Variants in THOC7 observed in about 807,000 individuals in gnomAD.
THOC7 encodes the protein NIF3L1-binding protein 1.
In THOC7, 22 loss-of-function variants were observed where a neutral mutation model predicts 33.1. The observed-to-expected ratio is 0.66, with a 90% CI of 0.47 to 0.95. THOC7 has a LOEUF of 0.95. THOC7 is among the 40% of genes least tolerant of loss of function. The pLI, the probability that THOC7 is intolerant of heterozygous loss-of-function variation, is 0.00. For synonymous variants in THOC7, 77 were observed against 76.8 expected (o/e 1.00, Z -0.01); for missense variants, 184 against 245.3 (o/e 0.75, Z 1.67).
Position 63,834,116 on chromosome 3 carries a change from T to A in THOC7, c.*16A>T. 1 of 1,613,620 alleles carries A rather than the reference T, an allele frequency of 6.2e-7. No individual in the cohort carries two copies. On this transcript the variant is annotated 3_prime_UTR_variant, in exon 8 of 8. Coordinates refer to ENST00000295899, the MANE Select transcript of THOC7 (RefSeq NM_025075.4). ...GCTATTTCAATATTCCTGGGAGTGGTGGGCAATTAGCCTGTCTATGGCTTA... is the reference window on the plus strand; with the variant it reads ...GCTATTTCAATATTCCTGGGAGTGGAGGGCAATTAGCCTGTCTATGGCTTA...
intron 1 of THOC7, chr3:63,861,009 T>C (rs1384595629): frequency 6.6e-6 from 1 of 152,162 alleles, no homozygotes; most frequent in African/African-American, 2.4e-5. Context: ...AAAGTCCACA[T>C]CAAAGGAAAG....
At chr3:63,839,452 A>G (rs993729122) in intron 2 of THOC7, among the ~76,000 whole-genome samples, 4 of 152,174 alleles carry the variant, frequency 2.6e-5, no homozygotes, top group Admixed American at 6.5e-5. Flanking sequence ...CTCCTTACCA[A>G]TCTGCCTTCT....
chr3:63,845,119 T>C (rs1456861818), intron 1 of THOC7: 2 of 678,108 alleles, frequency 2.9e-6, no homozygotes, highest in Non-Finnish European at 5.4e-6. Flanking sequence ...TGGGGGGTAC[T>C]ATCTCCTTCA....
At chr3:63,856,822 A>G (rs892776066) in intron 1 of THOC7, among the ~76,000 whole-genome samples, 7 of 151,350 alleles carry the variant, frequency 4.6e-5, no homozygotes, top group African/African-American at 1.5e-4. Flanking sequence ...GGTTCATGCC[A>G]CTCTACTGCC....
chr3:63,837,131 A>G (rs1701651877), intron 4 of THOC7, among the ~76,000 whole-genome samples: 1 of 151,978 alleles, frequency 6.6e-6, no homozygotes, highest in African/African-American at 2.4e-5. Flanking sequence ...TTTAGAACTG[A>G]GCATATTAAT....
chr3:63,842,483 T>C (rs994502360), intron 1 of THOC7, among the ~76,000 whole-genome samples: 1 of 151,992 alleles, frequency 6.6e-6, no homozygotes, highest in Non-Finnish European at 1.5e-5. Context: ...ATAAAGAAAA[T>C]GTGGTATCTA....
At chr3:63,839,794 G>A in intron 1 of THOC7, 21 bp from the exon 2 acceptor site, 3 of 1,595,968 alleles carry the variant, frequency 1.9e-6, no homozygotes, top group South Asian at 2.2e-5. Context: ...GAAGGGCAAT[G>A]TTACCATCTG....
intron 2 of THOC7, among the ~76,000 whole-genome samples, chr3:63,838,706 A>C (rs1230550067): frequency 6.6e-6 from 1 of 152,020 alleles, no homozygotes; most frequent in Non-Finnish European, 1.5e-5. Context: ...TTACAAATGC[A>C]AAGGTGGGAT....
chr3:63,855,364 T>C (rs889339419), intron 1 of THOC7, among the ~76,000 whole-genome samples: 1 of 152,256 alleles, frequency 6.6e-6, no homozygotes, highest in South Asian at 2.1e-4. Context: ...GATACATATA[T>C]GCCAACATAT....
At chr3:63,850,073 C>T (rs945535147) in intron 1 of THOC7, among the ~76,000 whole-genome samples, 1 of 152,186 alleles carries the variant, frequency 6.6e-6, no homozygotes, top group Admixed American at 6.5e-5. Context: ...TAAGACTCCC[C>T]ATCATAAGAA....
intron 1 of THOC7, among the ~76,000 whole-genome samples, chr3:63,850,676 T>C (rs1172019638): frequency 6.9e-6 from 1 of 144,868 alleles, no homozygotes; most frequent in African/African-American, 2.6e-5. Context: ...AACCTCTGCC[T>C]CCTGGGTTCA....
At chr3:63,859,910 T>C (rs898117355) in intron 1 of THOC7, among the ~76,000 whole-genome samples, 6 of 152,226 alleles carry the variant, frequency 3.9e-5, no homozygotes, top group African/African-American at 1.4e-4. Context: ...AAAACCCTGA[T>C]TTGAATCAAG....
At chr3:63,840,596 A>G (rs1436298746) in intron 1 of THOC7, among the ~76,000 whole-genome samples, 2 of 152,210 alleles carry the variant, frequency 1.3e-5, no homozygotes, top group African/African-American at 2.4e-5. Flanking sequence ...TGCTGTCTCC[A>G]AAGAAAAAAA....
chr3:63,861,552 A>T (rs543977248), intron 1 of THOC7: 3 of 152,312 alleles, frequency 2.0e-5, no homozygotes, highest in Admixed American at 2.0e-4. Context: ...CAGGACGCAT[A>T]ATAGTGAAGA....
chr3:63,836,971 A>T (rs1701647324), intron 4 of THOC7, among the ~76,000 whole-genome samples: 2 of 151,948 alleles, frequency 1.3e-5, no homozygotes, highest in Admixed American at 1.3e-4. Flanking sequence ...TTTTTAGATG[A>T]CTTTAGAACT....
chr3:63,858,508 T>G (rs941446014), intron 1 of THOC7, among the ~76,000 whole-genome samples: 1 of 152,136 alleles, frequency 6.6e-6, no homozygotes. Context: ...TTAAATAGAA[T>G]GTAGAGCCAC....
intron 1 of THOC7, among the ~76,000 whole-genome samples, chr3:63,840,961 C>A (rs989916839): frequency 6.6e-6 from 1 of 152,130 alleles, no homozygotes; most frequent in Non-Finnish European, 1.5e-5. Context: ...TGCACTCATG[C>A]ACAAAGACAG....
intron 1 of THOC7, among the ~76,000 whole-genome samples, chr3:63,846,750 C>A (rs1701905876): frequency 6.6e-6 from 1 of 152,010 alleles, no homozygotes; most frequent in South Asian, 2.1e-4. Flanking sequence ...TGATCTGTAC[C>A]AACTAGTATA....
chr3:63,850,253 T>G (rs1258204706), intron 1 of THOC7, among the ~76,000 whole-genome samples: 1 of 152,030 alleles, frequency 6.6e-6, no homozygotes, highest in Non-Finnish European at 1.5e-5. Context: ...CAGGCTAGAG[T>G]GCGGTGGTGT....
Sources: gnomAD v4.1 joint callset for allele counts (sites outside exome capture counted in the v4.1 genomes callset) on GRCh38, gnomAD v4.1.1 for gene constraint, MANE v1.5 for transcripts, NCBI Gene and HGNC (gene_info 2026-07-23, HGNC 2026-07-21) for gene names.